GRM5: variants seen among roughly 807,000 people sequenced by gnomAD.
GRM5 encodes the protein glutamate metabotropic receptor 5, also known as metabotropic glutamate receptor 5.
A neutral mutation model predicts 83.1 loss-of-function variants in GRM5; 19 were observed. That is an observed-to-expected ratio of 0.23 (90% CI 0.16 to 0.34). The LOEUF (loss-of-function observed/expected upper bound fraction) is 0.34, where lower values mean the gene tolerates loss of function less well. GRM5 is among the 10% of genes least tolerant of loss of function. The pLI, the probability that GRM5 is intolerant of heterozygous loss-of-function variation, is 1.00. For synonymous variants in GRM5, 675 were observed against 633.6 expected (o/e 1.07, Z -0.98); for missense variants, 1,160 against 1,588.3 (o/e 0.73, Z 4.58).
At chr11:89,030,948 A>G (rs189278896) in intron 2 of GRM5, among the ~76,000 whole-genome samples, 1 of 152,166 alleles carries the variant, frequency 6.6e-6, no homozygotes, top group Admixed American at 6.5e-5. Flanking sequence ...GATGATTTAA[A>G]GAATTATTGG....
chr11:88,716,749 T>C (rs1941409168), intron 3 of GRM5, among the ~76,000 whole-genome samples: 1 of 151,972 alleles, frequency 6.6e-6, no homozygotes, highest in African/African-American at 2.4e-5. Context: ...GACTCAGTTA[T>C]ATTTAACCCA....
At chr11:88,723,777 C>T (rs956229963) in intron 3 of GRM5, among the ~76,000 whole-genome samples, 1 of 152,068 alleles carries the variant, frequency 6.6e-6, no homozygotes, top group Non-Finnish European at 1.5e-5. Context: ...GCATCAGGAC[C>T]CTCTAACCTC....
chr11:88,606,033 C>A (rs890261929), intron 4 of GRM5, among the ~76,000 whole-genome samples: 1 of 152,066 alleles, frequency 6.6e-6, no homozygotes, highest in Non-Finnish European at 1.5e-5. Flanking sequence ...TGAAGCTGAG[C>A]ATTAAGCTAA....
chr11:88,723,229 T>A (rs1045246506), intron 3 of GRM5, among the ~76,000 whole-genome samples: 2 of 151,788 alleles, frequency 1.3e-5, no homozygotes, highest in African/African-American at 4.8e-5. Context: ...TTTTCATCAC[T>A]GACTACTATT....
chr11:88,528,423 G>C (rs547933910), intron 8 of GRM5, among the ~76,000 whole-genome samples: 1 of 151,888 alleles, frequency 6.6e-6, no homozygotes, highest in Non-Finnish European at 1.5e-5. Context: ...CCATTTACCA[G>C]TAATGTGCTG....
At chr11:88,558,769 A>G (rs1942684824) in intron 8 of GRM5, among the ~76,000 whole-genome samples, 1 of 143,360 alleles carries the variant, frequency 7.0e-6, no homozygotes, top group African/African-American at 2.6e-5. Context: ...CCTCTGCACT[A>G]CAGCCTGGCA....
chr11:88,798,346 A>G (rs980327860), intron 3 of GRM5, among the ~76,000 whole-genome samples: 3 of 152,156 alleles, frequency 2.0e-5, no homozygotes, highest in African/African-American at 7.2e-5. Flanking sequence ...AACTTTTATT[A>G]AATATTTGCT....
chr11:88,832,986 G>T (rs1462282407), intron 3 of GRM5, among the ~76,000 whole-genome samples: 1 of 151,762 alleles, frequency 6.6e-6, no homozygotes, highest in Non-Finnish European at 1.5e-5. Context: ...AAGACTCAAA[G>T]TAAGACCCCA....
chr11:88,565,955 C>T (rs1182312720), intron 8 of GRM5, among the ~76,000 whole-genome samples: 1 of 152,168 alleles, frequency 6.6e-6, no homozygotes, highest in Non-Finnish European at 1.5e-5. Context: ...ATAAGTCATA[C>T]TTTGAAGATT....
At chr11:88,865,941 A>G (rs893531541) in intron 2 of GRM5, among the ~76,000 whole-genome samples, 29 of 152,172 alleles carry the variant, frequency 1.9e-4, no homozygotes, top group South Asian at 1.7e-3. Flanking sequence ...AAATAGGAAC[A>G]CTTTTACACT....
At chr11:88,578,761 A>G (rs558386847) in intron 7 of GRM5, among the ~76,000 whole-genome samples, 34 of 152,254 alleles carry the variant, frequency 2.2e-4, no homozygotes, top group African/African-American at 7.9e-4. Flanking sequence ...GAATTTATCA[A>G]TGTGTAAGCC....
chr11:88,761,735 C>T (rs1007457258), intron 3 of GRM5, among the ~76,000 whole-genome samples: 6 of 151,920 alleles, frequency 3.9e-5, no homozygotes, highest in African/African-American at 4.8e-5. Context: ...AAAAAGGTTC[C>T]GAATAGCCAA....
chr11:88,689,685 T>C (rs1399627626), intron 3 of GRM5, among the ~76,000 whole-genome samples: 1 of 152,160 alleles, frequency 6.6e-6, no homozygotes, highest in East Asian at 1.9e-4. Flanking sequence ...CCCAGCTCTG[T>C]TTTTCTTCTA....
chr11:88,896,255 C>G (rs1337150639), intron 2 of GRM5, among the ~76,000 whole-genome samples: 1 of 151,252 alleles, frequency 6.6e-6, no homozygotes, highest in Non-Finnish European at 1.5e-5. Flanking sequence ...ATAAATAAGG[C>G]AATTGTCAGA....
chr11:88,584,459 A>G (rs555088737), intron 7 of GRM5, among the ~76,000 whole-genome samples: 2 of 152,022 alleles, frequency 1.3e-5, no homozygotes, highest in East Asian at 3.9e-4. Context: ...TTTGAGATGG[A>G]GTCTTGCTCT....
intron 3 of GRM5, among the ~76,000 whole-genome samples, chr11:88,847,711 A>T (rs998119496): frequency 5.4e-4 from 83 of 152,348 alleles, no homozygotes; most frequent in African/African-American, 1.8e-3. Context: ...AGTAAATGTC[A>T]AATTACTAAA....
At chr11:88,902,216 G>C (rs1354667606) in intron 2 of GRM5, among the ~76,000 whole-genome samples, 1 of 151,770 alleles carries the variant, frequency 6.6e-6, no homozygotes, top group Non-Finnish European at 1.5e-5. Flanking sequence ...TGCAATGCCA[G>C]TATAACTTAG....
intron 4 of GRM5, among the ~76,000 whole-genome samples, chr11:88,625,542 C>T (rs1013166047): frequency 3.9e-5 from 6 of 152,000 alleles, no homozygotes; most frequent in Non-Finnish European, 7.4e-5. Context: ...AGCATCGTAC[C>T]GGCATTATCC....
At chr11:88,824,365 T>C (rs16914995) in intron 3 of GRM5, among the ~76,000 whole-genome samples, 3,870 of 152,180 alleles carry the variant, frequency 0.025, 173 homozygotes, top group African/African-American at 0.089. Flanking sequence ...ATTCTTTTAT[T>C]CCTTGGAATC....
Sources: gnomAD v4.1 joint callset for allele counts (sites outside exome capture counted in the v4.1 genomes callset) on GRCh38, gnomAD v4.1.1 for gene constraint, MANE v1.5 for transcripts, NCBI Gene and HGNC (gene_info 2026-07-23, HGNC 2026-07-21) for gene names.